The following HSD17B7 variants were observed in gnomAD, a reference collection of about 807,000 sequenced individuals.
The protein encoded by HSD17B7 is 3-keto-steroid reductase/17-beta-hydroxysteroid dehydrogenase 7.
In HSD17B7, 17 loss-of-function variants were observed where a neutral mutation model predicts 34.1. The ratio of observed to expected loss-of-function variants is 0.50; its 90% CI spans 0.34 to 0.75. HSD17B7 has a LOEUF of 0.75. HSD17B7 is among the 30% of genes least tolerant of loss of function. HSD17B7 has a pLI of 0.01. For synonymous variants in HSD17B7, 122 were observed against 154.6 expected, an observed-to-expected ratio of 0.79 and a Z score of 1.56; for missense variants, 296 against 406.6, an observed-to-expected ratio of 0.73 and a Z score of 2.34.
chr1:162,808,786 T>C, intron 8 of HSD17B7, among the ~76,000 whole-genome samples: 1 of 152,172 alleles, frequency 6.6e-6, no homozygotes, highest in Non-Finnish European at 1.5e-5. Flanking sequence ...TATTGGTGTA[T>C]AAGAATGCTT....
intron 8 of HSD17B7, among the ~76,000 whole-genome samples, chr1:162,809,328 C>A (rs1649095220): frequency 6.6e-6 from 1 of 152,172 alleles, no homozygotes; most frequent in African/African-American, 2.4e-5. Flanking sequence ...CTCACTTGAT[C>A]ATGGTGGATA....
At chr1:162,806,772 A>G (rs1027818389) in intron 8 of HSD17B7, among the ~76,000 whole-genome samples, 1 of 152,252 alleles carries the variant, frequency 6.6e-6, no homozygotes, top group Non-Finnish European at 1.5e-5. Context: ...GAAAATGTTT[A>G]GTTCTACAAA....
intron 8 of HSD17B7, among the ~76,000 whole-genome samples, chr1:162,806,256 A>G (rs1407784933): frequency 6.6e-6 from 1 of 152,190 alleles, no homozygotes; most frequent in African/African-American, 2.4e-5. Flanking sequence ...GCATTAGCAT[A>G]AGATAAAATG....
intron 8 of HSD17B7, among the ~76,000 whole-genome samples, chr1:162,809,334 G>A (rs1040076974): frequency 1.3e-5 from 2 of 152,166 alleles, no homozygotes; most frequent in Non-Finnish European, 2.9e-5. Context: ...TGATCATGGT[G>A]GATAAGCTTT....
chr1:162,797,704 T>C, intron 3 of HSD17B7, 98 bp from the exon 4 acceptor site: 1 of 1,500,794 alleles, frequency 6.7e-7, no homozygotes, highest in Non-Finnish European at 9.0e-7. Context: ...TCAAGGGAGG[T>C]GTAGTTTATG....
chr1:162,808,400 G>T (rs1388762533), intron 8 of HSD17B7, among the ~76,000 whole-genome samples: 2 of 152,120 alleles, frequency 1.3e-5, no homozygotes, highest in East Asian at 1.9e-4. Flanking sequence ...GTCAGGTAGC[G>T]TGATGCCTCC....
intron 8 of HSD17B7, among the ~76,000 whole-genome samples, chr1:162,808,389 A>G (rs1434201865): frequency 6.6e-6 from 1 of 152,162 alleles, no homozygotes; most frequent in Non-Finnish European, 1.5e-5. Flanking sequence ...TATAGTTTGA[A>G]GTCAGGTAGC....
In HSD17B7 at chr1:162,812,707, A is replaced by G. The variant is rs1060466; in HGVS notation, c.*287A>G. 5.5e-6 allele frequency: 1 copy of G among 180,510 alleles called. No homozygotes were observed. The highest frequency in any genetic ancestry group is 5.6e-5 in the Admixed American group (1 of 17,716). 11.2% of individuals were successfully genotyped at this position (180,510 alleles called of 1,614,324 possible). ...TGTATATATTTAATATATATATAAA[A>G]CCAGAGCTGACAATGACACTCTGGA... is the stretch of plus-strand genomic sequence containing the variant. On this transcript the variant is annotated 3_prime_UTR_variant, in exon 9 of 9. Coordinates refer to ENST00000254521, the MANE Select transcript of HSD17B7 (RefSeq NM_016371.4).
intron 8 of HSD17B7, among the ~76,000 whole-genome samples, chr1:162,805,904 T>C (rs1214806748): frequency 1.3e-5 from 2 of 152,194 alleles, no homozygotes; most frequent in African/African-American, 4.8e-5. Context: ...CAGGCTGCCT[T>C]ACACATGGTA....
In HSD17B7 at chr1:162,799,914, T is replaced by A. The variant is rs758167858; in HGVS notation, c.619T>A (p.Leu207Met). The A allele has an allele frequency of 4.3e-6, 7 of 1,613,976 alleles. No homozygotes were observed. Among genetic ancestry groups the A allele is most frequent in the Admixed American group, 3.3e-5 (2 of 59,992 alleles). Residue 207 changes from leucine to methionine, a missense_variant, in exon 5 of 9, where the codon TTG (leucine) becomes ATG (methionine). Leu to Met is a conservative substitution (Grantham distance 15). Coordinates refer to ENST00000254521, the MANE Select transcript of HSD17B7 (RefSeq NM_016371.4). ...TGCCACTGACCTTTTGAGTGTGGCT[T>A]TGAACAGGAACTTCAACCAGCAGGT... is the stretch of plus-strand genomic sequence containing the variant. Reference protein sequence around the residue: ...KYATDLLSVALNRNFNQQGLY... With the variant: ...KYATDLLSVAMNRNFNQQGLY...
At chr1:162,793,219 G>C (rs2102228852) in intron 2 of HSD17B7, among the ~76,000 whole-genome samples, 1 of 152,170 alleles carries the variant, frequency 6.6e-6, no homozygotes, top group Middle Eastern at 3.4e-3. Context: ...ATTTTTAGTA[G>C]AGACGGGGTT....
chr1:162,807,425 A>G (rs1208284606), intron 8 of HSD17B7, among the ~76,000 whole-genome samples: 1 of 152,244 alleles, frequency 6.6e-6, no homozygotes, highest in Non-Finnish European at 1.5e-5. Context: ...ATAGTGCCGC[A>G]GTAAACATAC....
At chr1:162,795,893 C>G (rs1451344672) in intron 2 of HSD17B7, among the ~76,000 whole-genome samples, 3 of 152,064 alleles carry the variant, frequency 2.0e-5, no homozygotes, top group African/African-American at 4.8e-5. Flanking sequence ...AGGTTTAAAA[C>G]TGAAAATGCT....
Position 162,799,763 on chromosome 1 carries a change from CCT to C in HSD17B7, c.471_472del (p.Cys158SerfsTer3). The C allele has an allele frequency of 6.2e-7, 1 of 1,613,616 alleles. No homozygotes were observed. Among genetic ancestry groups the C allele is most frequent in the Non-Finnish European group, 8.5e-7 (1 of 1,179,656 alleles). Reference protein sequence around the residue: ...FILIRELEPLLCHSDNPSQLI... With the variant: ...FILIRELEPLXCHSDNPSQLI... ...CCCAGATTCGGGAACTGGAGCCTCT[CCT>C]CTGTCACAGTGACAATCCATCTCAG... On this transcript the variant is annotated frameshift_variant, in exon 5 of 9. Transcript: ENST00000254521. LOFTEE classifies it high-confidence loss of function.
Position 162,810,193 on chromosome 1 carries a change from T to TCA in HSD17B7, c.904-2104_904-2103dup, listed in dbSNP as rs530324833. 2.0e-4 allele frequency among the ~76,000 whole-genome samples: 31 copies of TCA among 152,384 alleles called. No individual in the cohort carries two copies. In the South Asian group the frequency reaches 6.4e-3, roughly 32 times the overall value. ...TCAAAGAACATCTTTACGTCTGCCCTCATTTCGTTATGTACCCAGTAGTCA... is the reference window on the plus strand; with the variant it reads ...TCAAAGAACATCTTTACGTCTGCCCTCACATTTCGTTATGTACCCAGTAGTCA... On this transcript the variant is annotated intron_variant, in intron 8 of 8. Coordinates refer to ENST00000254521, the MANE Select transcript of HSD17B7 (RefSeq NM_016371.4).
intron 8 of HSD17B7, among the ~76,000 whole-genome samples, chr1:162,806,990 A>T (rs1260096690): frequency 6.6e-6 from 1 of 152,202 alleles, no homozygotes; most frequent in South Asian, 2.1e-4. Context: ...AATTATTATT[A>T]TACTTTAAGT....
chr1:162,803,655 G>C, intron 6 of HSD17B7, 120 bp downstream of exon 6: 1 of 1,246,712 alleles, frequency 8.0e-7, no homozygotes, highest in East Asian at 2.6e-5. Flanking sequence ...TTTAACTTGA[G>C]GTTTTTGAAC....
rs530495499 is a variant in HSD17B7 at position 162,808,940 on chromosome 1, C to T, written c.904-3358C>T. Among the ~76,000 whole-genome samples, 40 of 152,152 alleles carry T rather than the reference C, an allele frequency of 2.6e-4. No homozygotes were observed. In the East Asian group the frequency reaches 5.8e-3, roughly 22 times the overall value. On this transcript the variant is annotated intron_variant, in intron 8 of 8. Transcript: ENST00000254521. ...CAGGGACAATTTGACTTCCTTTTTT[C>T]CTAATTGAATACCCTTTATTTCTTT...
chr1:162,798,052 G>A (rs1648679598), intron 4 of HSD17B7, 136 bp downstream of exon 4: 8 of 1,381,738 alleles, frequency 5.8e-6, no homozygotes, highest in Middle Eastern at 2.1e-4. Context: ...GATTGCATTT[G>A]CCTTGTTTAT....
Sources: allele counts gnomAD v4.1 joint callset (sites outside exome capture counted in the v4.1 genomes callset), GRCh38; gene constraint gnomAD v4.1.1; transcripts MANE v1.5; gene names NCBI Gene and HGNC (gene_info 2026-07-23, HGNC 2026-07-21).